CDH4: variants seen among roughly 807,000 people sequenced by gnomAD.
The protein encoded by CDH4 is cadherin-4.
CDH4 carries 33 observed loss-of-function variants against 86.0 expected under a neutral mutation model. The observed-to-expected ratio is 0.38, with a 90% CI of 0.29 to 0.51. The LOEUF is 0.51. Among genes scored for constraint, CDH4 ranks in the 20% least tolerant of loss-of-function variants. The pLI is 0.86. For missense variants in CDH4, 1,114 were observed against 1,307.4 expected, an observed-to-expected ratio of 0.85 and a Z score of 2.28; for synonymous variants, 555 against 549.4, an observed-to-expected ratio of 1.01 and a Z score of -0.14.
intron 2 of CDH4, among the ~76,000 whole-genome samples, chr20:61,722,030 C>A (rs1453497011): frequency 6.6e-6 from 1 of 152,156 alleles, no homozygotes; most frequent in Non-Finnish European, 1.5e-5. Flanking sequence ...TCAGGCACCT[C>A]ACCGTCCAAT....
intron 2 of CDH4, among the ~76,000 whole-genome samples, chr20:61,466,903 C>A (rs373180462): frequency 2.8e-3 from 24 of 8,694 alleles, no homozygotes; most frequent in Non-Finnish European, 4.0e-3. Context: ...AGACTGAGGG[C>A]GGGGGTGGGG....
Position 61,725,282 on chromosome 20 carries a change from C to T in CDH4, c.170-18281C>T, listed in dbSNP as rs533211375. 3.3e-3 allele frequency among the ~76,000 whole-genome samples: 499 copies of T among 152,262 alleles called. 2 individuals are homozygous for T. The highest frequency in any genetic ancestry group is 5.5e-3 in the Non-Finnish European group (374 of 68,026). On this transcript the variant is annotated intron_variant, in intron 2 of 15. Coordinates refer to ENST00000614565, the MANE Select transcript of CDH4 (RefSeq NM_001794.5). ...CCGCAGCGTAGGAAGGGCCTTGCCC[C>T]GCACACACCTCCCCGAGCTGGTCAT...
intron 2 of CDH4, among the ~76,000 whole-genome samples, chr20:61,482,907 C>T (rs915300611): frequency 2.0e-5 from 3 of 152,202 alleles, no homozygotes; most frequent in African/African-American, 7.2e-5. Context: ...ATCAGCATCC[C>T]CATTTTACAG....
intron 2 of CDH4, among the ~76,000 whole-genome samples, chr20:61,723,056 G>A (rs954577105): frequency 7.2e-5 from 11 of 152,190 alleles, no homozygotes; most frequent in Non-Finnish European, 1.5e-4. Flanking sequence ...TTAGAAAGTG[G>A]AATGGTGATT....
chr20:61,761,248 T>C (rs1600958461), intron 3 of CDH4, among the ~76,000 whole-genome samples: 1 of 152,162 alleles, frequency 6.6e-6, no homozygotes, highest in Non-Finnish European at 1.5e-5. Context: ...AATTTCCTTT[T>C]GAAGCATGTT....
rs546852295 is a variant in CDH4 at position 61,805,235 on chromosome 20, C to CA, written c.576+32054dup. Among the ~76,000 whole-genome samples the CA allele has an allele frequency of 7.9e-5, 12 of 152,308 alleles. No individual in the cohort carries two copies. In the East Asian group the frequency reaches 2.3e-3, roughly 29 times the overall value. On this transcript the variant is annotated intron_variant, in intron 4 of 15. Transcript: ENST00000614565. Reference sequence around the variant, plus strand: ...CCCATCCCTACCCAAGCTACTAGAACAGAGAGGAGCAGAGAAGAACAGCTC... The same window carrying CA: ...CCCATCCCTACCCAAGCTACTAGAACAAGAGAGGAGCAGAGAAGAACAGCTC...
chr20:61,885,523 T>C (rs1379467606), intron 7 of CDH4, among the ~76,000 whole-genome samples: 2 of 152,230 alleles, frequency 1.3e-5, no homozygotes, highest in Non-Finnish European at 2.9e-5. Flanking sequence ...GTTCTCTTTG[T>C]CCATTCATCG....
chr20:61,586,142 G>A (rs1416389055), intron 2 of CDH4, among the ~76,000 whole-genome samples: 2 of 151,968 alleles, frequency 1.3e-5, no homozygotes, highest in African/African-American at 4.8e-5. Flanking sequence ...TGGTCATGAC[G>A]GTGATTGTGG....
chr20:61,490,156 A>G (rs1462811614), intron 2 of CDH4, among the ~76,000 whole-genome samples: 2 of 152,222 alleles, frequency 1.3e-5, no homozygotes, highest in African/African-American at 4.8e-5. Flanking sequence ...AATGAAAGAC[A>G]TTCAAGAGAA....
rs150440058 is a variant in CDH4, at chr20:61,621,652, G to A, written c.170-121911G>A. Among the ~76,000 whole-genome samples the A allele has an allele frequency of 3.3e-3, 502 of 152,252 alleles. 7 individuals are homozygous for A. The highest frequency in any genetic ancestry group is 4.6e-3 in the East Asian group (24 of 5,184). On this transcript the variant is annotated intron_variant, in intron 2 of 15. Coordinates refer to ENST00000614565, the MANE Select transcript of CDH4 (RefSeq NM_001794.5). ...AGCTGCAGAGGGAAATATTATTCCAGAGCAAAGCACCCAACAGCTGGGCAT... is the reference window on the plus strand; with the variant it reads ...AGCTGCAGAGGGAAATATTATTCCAAAGCAAAGCACCCAACAGCTGGGCAT...
At chr20:61,379,304 C>G (rs1020655126) in intron 2 of CDH4, among the ~76,000 whole-genome samples, 1 of 152,016 alleles carries the variant, frequency 6.6e-6, no homozygotes, top group Non-Finnish European at 1.5e-5. Flanking sequence ...TCAGTGAGGT[C>G]TTGGGAATGC....
chr20:61,642,834 T>C (rs2087025249), intron 2 of CDH4, among the ~76,000 whole-genome samples: 5 of 152,200 alleles, frequency 3.3e-5, no homozygotes, highest in Admixed American at 3.3e-4. Context: ...CCCCCATCTC[T>C]GAAGCCAGAA....
intron 2 of CDH4, among the ~76,000 whole-genome samples, chr20:61,669,831 G>T (rs2087367121): frequency 1.3e-5 from 2 of 152,158 alleles, no homozygotes; most frequent in East Asian, 1.9e-4. Context: ...TGACATTTCA[G>T]TATAAATAAA....
At chr20:61,321,549 G>A (rs186356123) in intron 2 of CDH4, among the ~76,000 whole-genome samples, 5 of 152,264 alleles carry the variant, frequency 3.3e-5, no homozygotes, top group South Asian at 2.1e-4. Flanking sequence ...AAGACACCAC[G>A]TGGCCTCATC....
chr20:61,376,961 T>C (rs2084876121), intron 2 of CDH4, among the ~76,000 whole-genome samples: 1 of 152,170 alleles, frequency 6.6e-6, no homozygotes, highest in African/African-American at 2.4e-5. Context: ...AAAGCCTGCT[T>C]TGCAATTCTT....
chr20:61,795,194 G>A (rs1392536618), intron 4 of CDH4, among the ~76,000 whole-genome samples: 1 of 149,114 alleles, frequency 6.7e-6, no homozygotes, highest in Non-Finnish European at 1.5e-5. Context: ...GGAGGACAAG[G>A]GCTAGTATTT....
rs998937475 is a variant in CDH4 at position 61,375,364 on chromosome 20, G to T, written c.169+120427G>T. 2.0e-5 allele frequency among the ~76,000 whole-genome samples: 3 copies of T among 152,104 alleles called. No individual in the cohort carries two copies. The East Asian group carries it at 5.8e-4, about 29-fold the overall frequency. ...TGGTGATGAATGTGGTGGCCATGCT[G>T]ATTGTGATGGTTGGATTGTGGTGAT... On this transcript the variant is annotated intron_variant, in intron 2 of 15. Transcript: ENST00000614565.
chr20:61,303,124 G>A lies in CDH4; in HGVS notation c.169+48187G>A, dbSNP rs914184383. 1.4e-4 allele frequency among the ~76,000 whole-genome samples: 21 copies of A among 152,156 alleles called. No individual in the cohort carries two copies. In the East Asian group the frequency reaches 2.1e-3, roughly 15 times the overall value. ...GCCATGGGGTTTGTGGTGACGTTAC[G>A]GCCACAGTAGGAAGCAGATACACCC... On this transcript the variant is annotated intron_variant, in intron 2 of 15. Transcript: ENST00000614565.
At chr20:61,710,174 G>GT (rs2087874793) in intron 2 of CDH4, among the ~76,000 whole-genome samples, 2 of 152,164 alleles carry the variant, frequency 1.3e-5, no homozygotes, top group South Asian at 4.2e-4. Flanking sequence ...TCAACTCGGT[G>GT]TTTTTTCCCA....
Sources: allele counts gnomAD v4.1 joint callset (sites outside exome capture counted in the v4.1 genomes callset), GRCh38; gene constraint gnomAD v4.1.1; transcripts MANE v1.5; gene names NCBI Gene and HGNC (gene_info 2026-07-23, HGNC 2026-07-21).